Variants in PCDHGA12 observed in about 807,000 individuals in gnomAD.
The protein encoded by PCDHGA12 is protocadherin gamma-A12.
A neutral mutation model predicts 61.1 loss-of-function variants in PCDHGA12; 43 were observed. The ratio of observed to expected loss-of-function variants is 0.70; its 90% CI spans 0.55 to 0.91. The LOEUF is 0.91. PCDHGA12 is among the 40% of genes least tolerant of loss of function. PCDHGA12 has a pLI of 0.00. For synonymous variants in PCDHGA12, 520 were observed against 542.9 expected, an observed-to-expected ratio of 0.96 and a Z score of 0.59; for missense variants, 1,236 against 1,227.7, an observed-to-expected ratio of 1.01 and a Z score of -0.10.
intron 1 of PCDHGA12, among the ~76,000 whole-genome samples, chr5:141,472,310 G>A (rs2099276586): frequency 6.6e-6 from 1 of 152,040 alleles, no homozygotes; most frequent in Non-Finnish European, 1.5e-5. Flanking sequence ...GGGAAGCCGA[G>A]GCAGGCAGAT....
intron 1 of PCDHGA12, among the ~76,000 whole-genome samples, chr5:141,481,869 G>A (rs909237712): frequency 4.1e-5 from 6 of 146,780 alleles, no homozygotes; most frequent in East Asian, 2.0e-4. Flanking sequence ...AGCCGAGATC[G>A]CGCCACTGCA....
intron 3 of PCDHGA12, chr5:141,506,955 C>T (rs1387377785): frequency 2.6e-5 from 4 of 152,362 alleles, no homozygotes; most frequent in South Asian, 2.1e-4. Context: ...AATGAATCCT[C>T]TCAATAGCTC....
In PCDHGA12 at chr5:141,486,440, A is replaced by G; in HGVS notation, c.2425-8367A>G. 6.2e-7 allele frequency: 1 copy of G among 1,614,114 alleles called. No individual in the cohort carries two copies. The highest frequency in any genetic ancestry group is 8.5e-7 in the Non-Finnish European group (1 of 1,179,936). On this transcript the variant is annotated intron_variant, in intron 1 of 3. Coordinates refer to ENST00000252085, the MANE Select transcript of PCDHGA12 (RefSeq NM_003735.3). This position sits in a 1 kb window ranked among gnomAD's most constrained non-coding sequence, Gnocchi z 5.0. ...TCGAGAGGCCAAATCTAGCTATGACATCATGGTCACTGCTTCTGATGCTGG... is the reference window on the plus strand; with the variant it reads ...TCGAGAGGCCAAATCTAGCTATGACGTCATGGTCACTGCTTCTGATGCTGG...
chr5:141,482,767 A>AGCTAGTACTATAATTATTTTTATTAGTTC (rs1370824281), intron 1 of PCDHGA12, among the ~76,000 whole-genome samples: 2 of 150,588 alleles, frequency 1.3e-5, no homozygotes, highest in African/African-American at 2.5e-5. Context: ...TTTCATTATC[A>AGCTAGTACTATAATTATTTTTATTAGTTC]CTGAACCTTA....
At position 141,491,752 on chromosome 5, in the gene PCDHGA12, G is replaced by C. The variant is rs1464731659; in HGVS notation, c.2425-3055G>C. 6 of 1,586,646 alleles carry C rather than the reference G, an allele frequency of 3.8e-6. No homozygotes were observed. The African/African-American group carries it at 8.1e-5, about 21-fold the overall frequency. On this transcript the variant is annotated intron_variant, in intron 1 of 3. Transcript: ENST00000252085. The surrounding 1 kb of genome is among the most constrained non-coding windows in gnomAD (Gnocchi z 6.9). ...GACCCCTGGGGGCGGCACTGGAGAA[G>C]CCGCCCGTCCTCATAAGGGATTGAA...
chr5:141,486,282 C>T lies in PCDHGA12; in HGVS notation c.2425-8525C>T. ...AGTGCAGAACCTGGCACTGTGGTGGCACTTATCAGTGTGCAGGATCCAGAC... is the reference window on the plus strand; with the variant it reads ...AGTGCAGAACCTGGCACTGTGGTGGTACTTATCAGTGTGCAGGATCCAGAC... On this transcript the variant is annotated intron_variant, in intron 1 of 3. Transcript: ENST00000252085. This position sits in a 1 kb window ranked among gnomAD's most constrained non-coding sequence, Gnocchi z 5.0. 6.2e-7 allele frequency: 1 copy of T among 1,614,052 alleles called. No homozygotes were observed. Among genetic ancestry groups the T allele is most frequent in the Non-Finnish European group, 8.5e-7 (1 of 1,179,992 alleles).
intron 1 of PCDHGA12, among the ~76,000 whole-genome samples, chr5:141,482,410 T>G (rs1054330181): frequency 2.3e-4 from 35 of 151,890 alleles, no homozygotes; most frequent in Non-Finnish European, 1.0e-4. Flanking sequence ...AATAACTATT[T>G]GTTGAACTAA....
At chr5:141,448,907 T>G (rs1253773780) in intron 1 of PCDHGA12, among the ~76,000 whole-genome samples, 1 of 152,178 alleles carries the variant, frequency 6.6e-6, no homozygotes, top group African/African-American at 2.4e-5. Flanking sequence ...ATCGTGCCAC[T>G]GCACTCCAGC....
chr5:141,476,801 C>A lies in PCDHGA12; in HGVS notation c.2425-18006C>A, dbSNP rs752954707. The A allele has an allele frequency of 5.8e-5, 94 of 1,613,468 alleles. No homozygotes were observed. The highest frequency in any genetic ancestry group is 7.9e-5 in the Non-Finnish European group (93 of 1,180,028). The stretch of plus-strand genomic sequence containing the variant: ...GACCCCAGCTCTCTCCGCCAGCCTG[C>A]CTATTCACATCAAGGTGCTGGACGC... On this transcript the variant is annotated intron_variant, in intron 1 of 3. Transcript: ENST00000252085. This position sits in a 1 kb window ranked among gnomAD's most constrained non-coding sequence, Gnocchi z 7.6.
At chr5:141,456,647 C>G (rs773458307) in intron 1 of PCDHGA12, among the ~76,000 whole-genome samples, 2 of 152,152 alleles carry the variant, frequency 1.3e-5, no homozygotes, top group African/African-American at 4.8e-5. Context: ...AGGTGTTAAT[C>G]CCAAAGAAGC....
In PCDHGA12 at chr5:141,432,177, CTG is replaced by C. The variant is rs769631339; in HGVS notation, c.1421_1422del (p.Val474AspfsTer8). 4 of 1,614,102 alleles carry C rather than the reference CTG, an allele frequency of 2.5e-6. No homozygotes were observed. Among genetic ancestry groups the C allele is most frequent in the Admixed American group, 1.7e-5 (1 of 60,012 alleles). ...AATCCCAGAGGAGTTTCCCTCGTCT[CTG>C]TGACCGCCCACGACCCCGACTGTGA... On this transcript the variant is annotated frameshift_variant, in exon 1 of 4. Transcript: ENST00000252085. LOFTEE classifies it high-confidence loss of function. The surrounding 1 kb of genome is among the most constrained non-coding windows in gnomAD (Gnocchi z 6.0).
In PCDHGA12 at chr5:141,491,144, TGGA is replaced by T. The variant is rs757881044; in HGVS notation, c.2425-3659_2425-3657del. ...GAGGTGCGCACAGCCCGGGCCTTAC[TGGA>T]GGATGACTCTGACACCCAGCAGGTG... On this transcript the variant is annotated intron_variant, in intron 1 of 3. Coordinates refer to ENST00000252085, the MANE Select transcript of PCDHGA12 (RefSeq NM_003735.3). This position sits in a 1 kb window ranked among gnomAD's most constrained non-coding sequence, Gnocchi z 6.9. The T allele has an allele frequency of 1.2e-6, 2 of 1,614,158 alleles. No individual in the cohort carries two copies. The highest frequency in any genetic ancestry group is 2.2e-5 in the South Asian group (2 of 91,086).
rs762783104 is a variant in PCDHGA12 at position 141,485,601 on chromosome 5, G to A, written c.2425-9206G>A. 4.3e-6 allele frequency: 7 copies of A among 1,612,290 alleles called. No homozygotes were observed. The highest frequency in any genetic ancestry group is 5.9e-6 in the Non-Finnish European group (7 of 1,178,722). On this transcript the variant is annotated intron_variant, in intron 1 of 3. Transcript: ENST00000252085. The surrounding 1 kb of genome is among the most constrained non-coding windows in gnomAD (Gnocchi z 5.7). ...CGGCAGCAGCTGGACTTGGAAATTG[G>A]GGAGGCAGCTCCTCCAGGACAGCGT...
chr5:141,488,196 TA>T, intron 1 of PCDHGA12, among the ~76,000 whole-genome samples: 1 of 152,186 alleles, frequency 6.6e-6, no homozygotes, highest in Non-Finnish European at 1.5e-5. Context: ...GTCTGGGTCT[TA>T]GGACTCATAT....
Position 141,500,858 on chromosome 5 carries a change from A to G in PCDHGA12, c.2484-4535A>G, listed in dbSNP as rs1160743056. Among the ~76,000 whole-genome samples the G allele has an allele frequency of 3.3e-5, 5 of 150,740 alleles. No individual in the cohort carries two copies. The South Asian group carries it at 1.0e-3, about 32-fold the overall frequency. ...TAATGGGCTTTTGCTACATTAGAAA[A>G]CATACACATTCATTTACAATTTTTT... On this transcript the variant is annotated intron_variant, in intron 2 of 3. Coordinates refer to ENST00000252085, the MANE Select transcript of PCDHGA12 (RefSeq NM_003735.3).
intron 1 of PCDHGA12, among the ~76,000 whole-genome samples, chr5:141,459,109 C>A (rs1213203625): frequency 6.6e-6 from 1 of 152,174 alleles, no homozygotes; most frequent in Non-Finnish European, 1.5e-5. Context: ...TGCATTTTGA[C>A]AATTGTTTAC....
At chr5:141,505,345 G>C (rs776607130) in intron 2 of PCDHGA12, 48 bp from the exon 3 acceptor site, 3 of 1,613,086 alleles carry the variant, frequency 1.9e-6, no homozygotes, top group Non-Finnish European at 2.5e-6. Flanking sequence ...AGGGGCATGA[G>C]CTGTGCCGGC....
chr5:141,442,596 T>C (rs2154559877), intron 1 of PCDHGA12: 1 of 152,310 alleles, frequency 6.6e-6, no homozygotes, highest in South Asian at 2.1e-4. Flanking sequence ...TTAAATATTT[T>C]CAGAGATCTC....
chr5:141,497,406 C>T lies in PCDHGA12; in HGVS notation c.2483+2541C>T, dbSNP rs892691245. 1.2e-4 allele frequency among the ~76,000 whole-genome samples: 19 copies of T among 152,174 alleles called. No individual in the cohort carries two copies. The East Asian group carries it at 1.5e-3, about 12-fold the overall frequency. ...AGCACCTTACCCCTGCCTCAACTCC[C>T]ATTCCATCAAATGAGAGGCTTAGTG... On this transcript the variant is annotated intron_variant, in intron 2 of 3. Transcript: ENST00000252085.
Sources: gnomAD v4.1 joint callset for allele counts (sites outside exome capture counted in the v4.1 genomes callset) on GRCh38, gnomAD v4.1.1 for gene constraint, Gnocchi (gnomAD v3.1) non-coding constraint, MANE v1.5 for transcripts, NCBI Gene and HGNC (gene_info 2026-07-23, HGNC 2026-07-21) for gene names.